The following RAP1GAP2 variants were observed in gnomAD, a reference collection of about 807,000 sequenced individuals.
RAP1GAP2 encodes the protein RAP1 GTPase activating protein 2.
In RAP1GAP2, 27 loss-of-function variants were observed where a neutral mutation model predicts 95.0. The ratio of observed to expected loss-of-function variants is 0.28; its 90% CI spans 0.21 to 0.39. The LOEUF is 0.39. Among genes scored for constraint, RAP1GAP2 ranks in the 10% least tolerant of loss-of-function variants. The pLI is 1.00. For missense variants in RAP1GAP2, 771 were observed against 970.0 expected (o/e 0.79, Z 2.72); for synonymous variants, 373 against 380.9 (o/e 0.98, Z 0.24).
At position 2,787,310 on chromosome 17, in the gene RAP1GAP2, C is replaced by A. The variant is rs1472105084; in HGVS notation, c.-14+10032C>A. Among the ~76,000 whole-genome samples, 6 of 148,626 alleles carry A rather than the reference C, an allele frequency of 4.0e-5. No homozygotes were observed. The Admixed American group carries it at 4.1e-4, about 10-fold the overall frequency. On this transcript the variant is annotated intron_variant, in intron 1 of 24. Coordinates refer to the RAP1GAP2 transcript ENST00000540393. The stretch of plus-strand genomic sequence containing the variant: ...GACAGAGTCTTGCTTTTTGGCCACA[C>A]TGGAGTGCAGTGGTCTTTACTGCAG...
chr17:2,850,138 T>C (rs997660457), intron 2 of RAP1GAP2, among the ~76,000 whole-genome samples: 4 of 151,384 alleles, frequency 2.6e-5, no homozygotes, highest in Non-Finnish European at 5.9e-5. Flanking sequence ...GTAGCTGGGA[T>C]TACAGGCACC....
At chr17:3,028,228 A>G (rs905335966) in intron 22 of RAP1GAP2, among the ~76,000 whole-genome samples, 2 of 152,050 alleles carry the variant, frequency 1.3e-5, no homozygotes, top group African/African-American at 4.8e-5. Flanking sequence ...GGAACTGTTA[A>G]CCTCGGTGTT....
At position 2,855,076 on chromosome 17, in the gene RAP1GAP2, A is replaced by C. The variant is rs1294561739; in HGVS notation, c.81-50208A>C. 6.6e-6 allele frequency among the ~76,000 whole-genome samples: 1 copy of C among 152,192 alleles called. No homozygotes were observed. Among genetic ancestry groups the C allele is most frequent in the East Asian group, 1.9e-4 (1 of 5,190 alleles). ...GCAGCCCCTGGATATGCCCACAGGT[A>C]TGAACGTACCTGGGGTGGTGGTAGG... On this transcript the variant is annotated intron_variant, in intron 2 of 24. Transcript: ENST00000254695. The surrounding 1 kb of genome is among the most constrained non-coding windows in gnomAD (Gnocchi z 4.3).
chr17:2,977,584 A>C (rs896036009), intron 8 of RAP1GAP2, among the ~76,000 whole-genome samples: 1 of 151,890 alleles, frequency 6.6e-6, no homozygotes, highest in African/African-American at 2.4e-5. Flanking sequence ...GTCTCTACTA[A>C]AAATATAAAA....
In RAP1GAP2 at chr17:2,985,077, C is replaced by G. The variant is rs773161540; in HGVS notation, c.813+11C>G. On this transcript the variant is annotated intron_variant, in intron 11 of 24. Transcript: ENST00000254695. ...CAAAAAGCCAGGCAGGTAAGCAGCA[C>G]CATCCATACCGGTGACTGTATCCCG... 3.3e-5 allele frequency: 54 copies of G among 1,613,422 alleles called. 1 individual carries two copies. The Admixed American group carries it at 9.0e-4, about 27-fold the overall frequency.
intron 3 of RAP1GAP2, among the ~76,000 whole-genome samples, chr17:2,942,999 C>A (rs944929577): frequency 2.0e-5 from 3 of 151,996 alleles, no homozygotes; most frequent in Admixed American, 2.0e-4. Flanking sequence ...GAACTCCTGA[C>A]CTCAAGTGAT....
intron 14 of RAP1GAP2, among the ~76,000 whole-genome samples, chr17:2,999,814 A>C (rs1255520948): frequency 6.6e-6 from 1 of 152,034 alleles, no homozygotes; most frequent in Non-Finnish European, 1.5e-5. Flanking sequence ...AAACAAAATA[A>C]AACAAAACAA....
chr17:2,894,734 C>A lies in RAP1GAP2; in HGVS notation c.81-10550C>A, dbSNP rs1291940429. ...TTACTTGGTGTGTTTAGCTCTCGGC[C>A]CCCCCTTTACTTTCTGTCACCAAGT... On this transcript the variant is annotated intron_variant, in intron 2 of 24. Coordinates refer to ENST00000254695, the MANE Select transcript of RAP1GAP2 (RefSeq NM_015085.5). Among the ~76,000 whole-genome samples, 131 of 152,252 alleles carry A rather than the reference C, an allele frequency of 8.6e-4. 2 individuals are homozygous for A. Among genetic ancestry groups the A allele is most frequent in the Non-Finnish European group, 2.8e-4 (19 of 68,014 alleles).
At chr17:2,984,523 CCT>C (rs1479709127) in intron 10 of RAP1GAP2, among the ~76,000 whole-genome samples, 7 of 152,172 alleles carry the variant, frequency 4.6e-5, no homozygotes, top group African/African-American at 1.7e-4. Context: ...TCCTTAGAGA[CCT>C]CTCATTTTAT....
chr17:2,770,996 G>A (rs1184592050), intron 2 of RAP1GAP2, among the ~76,000 whole-genome samples: 2 of 152,062 alleles, frequency 1.3e-5, no homozygotes, highest in Non-Finnish European at 2.9e-5. Context: ...GCAGTGAGCC[G>A]CAGTTGAACC....
chr17:2,958,000 A>T (rs1014347144), intron 4 of RAP1GAP2, among the ~76,000 whole-genome samples: 1 of 152,116 alleles, frequency 6.6e-6, no homozygotes, highest in African/African-American at 2.4e-5. Context: ...CTGCGGAGGG[A>T]CAGGGAGGAT....
At chr17:2,779,604 T>G (rs2068589627) in intron 1 of RAP1GAP2, among the ~76,000 whole-genome samples, 1 of 152,024 alleles carries the variant, frequency 6.6e-6, no homozygotes, top group Non-Finnish European at 1.5e-5. Context: ...TACCTCTTCC[T>G]GGGCTCTGCC....
chr17:2,837,426 A>T (rs962638302), intron 2 of RAP1GAP2, among the ~76,000 whole-genome samples: 1 of 151,914 alleles, frequency 6.6e-6, no homozygotes, highest in Non-Finnish European at 1.5e-5. Context: ...ACTGTCAGCT[A>T]GAGGAAGGGG....
At chr17:2,955,648 A>T (rs2044080159) in intron 3 of RAP1GAP2, among the ~76,000 whole-genome samples, 2 of 152,214 alleles carry the variant, frequency 1.3e-5, no homozygotes, top group Admixed American at 1.3e-4. Flanking sequence ...TTACAAATGA[A>T]GCCACCTGGG....
chr17:2,780,781 A>G (rs1040905482), intron 1 of RAP1GAP2, among the ~76,000 whole-genome samples: 3 of 152,262 alleles, frequency 2.0e-5, no homozygotes, highest in Non-Finnish European at 4.4e-5. Context: ...TTAATGAAAA[A>G]TAAAGCAATG....
intron 19 of RAP1GAP2, among the ~76,000 whole-genome samples, chr17:3,024,670 A>G (rs1422051349): frequency 1.3e-5 from 2 of 152,246 alleles, no homozygotes; most frequent in Non-Finnish European, 2.9e-5. Context: ...CCAAATGTCC[A>G]TTGTCTGATG....
upstream of RAP1GAP2, among the ~76,000 whole-genome samples, chr17:2,775,569 C>T (rs1354460838): frequency 6.6e-6 from 1 of 152,128 alleles, no homozygotes; most frequent in Non-Finnish European, 1.5e-5. Flanking sequence ...AAGCAGAAGG[C>T]CATTGTAGCT....
chr17:2,969,493 A>ATTTTTTTTTTTTTTTTTTTTTTTTTTTT (rs2044761423), intron 8 of RAP1GAP2, among the ~76,000 whole-genome samples: 1 of 101,882 alleles, frequency 9.8e-6, no homozygotes, highest in African/African-American at 3.7e-5. Flanking sequence ...AAATATATAT[A>ATTTTTTTTTTTTTTTTTTTTTTTTTTTT]TTCTTTTTTT....
chr17:2,854,458 G>A (rs1489762563), intron 2 of RAP1GAP2, among the ~76,000 whole-genome samples: 1 of 152,248 alleles, frequency 6.6e-6, no homozygotes, highest in Non-Finnish European at 1.5e-5. Flanking sequence ...ATGCGCCGGT[G>A]TTGCCATTTG....
Sources: gnomAD v4.1 joint callset for allele counts (sites outside exome capture counted in the v4.1 genomes callset) on GRCh38, gnomAD v4.1.1 for gene constraint, Gnocchi (gnomAD v3.1) non-coding constraint, MANE v1.5 for transcripts, NCBI Gene and HGNC (gene_info 2026-07-23, HGNC 2026-07-21) for gene names.